The following FAM193A variants were observed in gnomAD, a reference collection of about 807,000 sequenced individuals.
FAM193A encodes family with sequence similarity 193 member A, also known as protein FAM193A.
In FAM193A, 22 loss-of-function variants were observed where a neutral mutation model predicts 126.5. That is an observed-to-expected ratio of 0.17 (90% CI 0.12 to 0.25). The LOEUF (loss-of-function observed/expected upper bound fraction) is 0.25. Among genes scored for constraint, FAM193A ranks in the 10% least tolerant of loss-of-function variants. FAM193A has a pLI of 1.00. For synonymous variants in FAM193A, 761 were observed against 646.8 expected (o/e 1.18, Z -2.68); for missense variants, 1,675 against 1,672.8 (o/e 1.00, Z -0.02).
At chr4:2,579,261 G>A (rs1285293985) in intron 1 of FAM193A, among the ~76,000 whole-genome samples, 1 of 152,042 alleles carries the variant, frequency 6.6e-6, no homozygotes, top group Non-Finnish European at 1.5e-5. Context: ...TTGGGAGGCC[G>A]AGGAGGGTGG....
intron 20 of FAM193A, among the ~76,000 whole-genome samples, chr4:2,721,415 G>C (rs1308238204): frequency 2.0e-5 from 3 of 151,498 alleles, no homozygotes; most frequent in Non-Finnish European, 2.9e-5. Context: ...TTGAGCTCAG[G>C]AGTTTGAAGC....
At chr4:2,540,515 C>T (rs113908326) in intron 1 of FAM193A, among the ~76,000 whole-genome samples, 145 of 144,092 alleles carry the variant, frequency 1.0e-3, no homozygotes, top group East Asian at 9.6e-3. Context: ...GGCGTGGTGG[C>T]GGGCGCCCTG....
chr4:2,598,669 C>T (rs1741010942), intron 2 of FAM193A, among the ~76,000 whole-genome samples: 1 of 152,214 alleles, frequency 6.6e-6, no homozygotes, highest in Admixed American at 6.5e-5. Flanking sequence ...TTCTCTTGTT[C>T]TGTTTGGTCA....
chr4:2,672,496 A>G, intron 13 of FAM193A, 124 bp downstream of exon 13: 1 of 1,013,466 alleles, frequency 9.9e-7, no homozygotes, highest in Non-Finnish European at 1.4e-6. Flanking sequence ...CTGGATAGGA[A>G]GGTCTCCAAG....
chr4:2,719,969 T>C, intron 20 of FAM193A: 1 of 303,974 alleles, frequency 3.3e-6, no homozygotes, highest in South Asian at 2.5e-5. Context: ...TTTTTTTTCT[T>C]CTTTTTGTAG....
intron 1 of FAM193A, among the ~76,000 whole-genome samples, chr4:2,584,488 G>T (rs1740124553): frequency 6.7e-6 from 1 of 150,292 alleles, no homozygotes; most frequent in South Asian, 2.1e-4. Context: ...CTATAAAAAT[G>T]CATAAAAGTA....
rs893765783 is a variant in FAM193A at position 2,716,201 on chromosome 4, C to T, written c.4454+97C>T. On this transcript the variant is annotated intron_variant, in intron 20 of 20. Transcript: ENST00000637812. ...CCATGGCACTTCTAGTTGTCTTGGA[C>T]GAAGTTACATCAAGCAAGCCAGACA... is the stretch of plus-strand genomic sequence containing the variant. 3.4e-5 allele frequency: 29 copies of T among 847,060 alleles called. 1 individual carries two copies. Among genetic ancestry groups the T allele is most frequent in the Middle Eastern group, 2.2e-4 (1 of 4,524 alleles). The allele number at this position is 847,060 out of a possible 1,614,324, so 52.5% of individuals were successfully genotyped here. A position where few individuals can be genotyped will look rare whatever the true frequency, so the allele number is the denominator to read the frequency against.
chr4:2,610,907 G>A (rs1741831240), intron 2 of FAM193A, among the ~76,000 whole-genome samples: 1 of 152,014 alleles, frequency 6.6e-6, no homozygotes, highest in South Asian at 2.1e-4. Context: ...CCAGCTAGTT[G>A]TGTATTTTTA....
upstream of FAM193A, among the ~76,000 whole-genome samples, chr4:2,536,168 G>A (rs992410805): frequency 5.3e-5 from 8 of 151,038 alleles, no homozygotes; most frequent in African/African-American, 1.9e-4. Flanking sequence ...CGGGCGAGGC[G>A]GGCGGGGCGG....
intron 5 of FAM193A, among the ~76,000 whole-genome samples, chr4:2,632,793 G>A (rs1021172292): frequency 1.3e-5 from 2 of 152,080 alleles, no homozygotes; most frequent in African/African-American, 2.4e-5. Flanking sequence ...GGCATCTCTC[G>A]CAGCACAGCC....
At chr4:2,678,020 A>G (rs913342499) in intron 13 of FAM193A, among the ~76,000 whole-genome samples, 1 of 151,994 alleles carries the variant, frequency 6.6e-6, no homozygotes, top group African/African-American at 2.4e-5. Flanking sequence ...TTTGTTTGAG[A>G]CAGAGTCTCC....
intron 1 of FAM193A, among the ~76,000 whole-genome samples, chr4:2,556,405 C>G (rs908410440): frequency 1.3e-5 from 2 of 151,258 alleles, no homozygotes; most frequent in African/African-American, 4.9e-5. Flanking sequence ...GGGGTTTCAC[C>G]ATGTTGGCCA....
chr4:2,611,388 C>T (rs1286163086), intron 2 of FAM193A, among the ~76,000 whole-genome samples: 1 of 152,134 alleles, frequency 6.6e-6, no homozygotes, highest in Non-Finnish European at 1.5e-5. Context: ...CTTGTCTCAG[C>T]CTCCCATGTA....
Position 2,617,630 on chromosome 4 carries a change from G to T in FAM193A, c.502-7632G>T, listed in dbSNP as rs74283619. On this transcript the variant is annotated intron_variant, in intron 2 of 20. Coordinates refer to ENST00000637812, the MANE Select transcript of FAM193A (RefSeq NM_001366318.2). Reference sequence around the variant, plus strand: ...TTACTACCTGTATTTCTTTTTCTTTGTTTTATAATTTTTTAGCTATAGCTT... The same window carrying T: ...TTACTACCTGTATTTCTTTTTCTTTTTTTTATAATTTTTTAGCTATAGCTT... 1.4e-4 allele frequency among the ~76,000 whole-genome samples: 21 copies of T among 151,774 alleles called. No individual in the cohort carries two copies. The East Asian group carries it at 3.9e-3, about 28-fold the overall frequency.
chr4:2,630,843 C>G (rs1228096721), intron 4 of FAM193A, 92 bp from the exon 5 acceptor site: 1 of 700,546 alleles, frequency 1.4e-6, no homozygotes, highest in Non-Finnish European at 2.4e-6. Context: ...GAGGTGGCCA[C>G]CTGTGGAAGG....
chr4:2,677,526 G>A (rs1426797235), intron 13 of FAM193A, among the ~76,000 whole-genome samples: 3 of 151,854 alleles, frequency 2.0e-5, no homozygotes, highest in African/African-American at 7.3e-5. Context: ...GGATCACGAG[G>A]TCAGGAGATC....
At chr4:2,668,065 C>T (rs995386136) in intron 12 of FAM193A, among the ~76,000 whole-genome samples, 1 of 151,804 alleles carries the variant, frequency 6.6e-6, no homozygotes, top group Non-Finnish European at 1.5e-5. Context: ...CCGCCATGAC[C>T]GGCTAAGTTT....
intron 1 of FAM193A, among the ~76,000 whole-genome samples, chr4:2,579,477 C>T (rs1348933113): frequency 6.6e-6 from 1 of 152,090 alleles, no homozygotes; most frequent in African/African-American, 2.4e-5. Context: ...GCAGGAGGAT[C>T]ACTTAAACCC....
chr4:2,627,757 T>G (rs1743121131), intron 4 of FAM193A, among the ~76,000 whole-genome samples: 1 of 151,046 alleles, frequency 6.6e-6, no homozygotes, highest in Admixed American at 6.6e-5. Context: ...TTTTTTTTTT[T>G]TTTGAGACGA....
Sources: gnomAD v4.1 joint callset for allele counts (sites outside exome capture counted in the v4.1 genomes callset) on GRCh38, gnomAD v4.1.1 for gene constraint, MANE v1.5 for transcripts, NCBI Gene and HGNC (gene_info 2026-07-23, HGNC 2026-07-21) for gene names.